Variants in PRICKLE2 observed in about 807,000 individuals in gnomAD.
PRICKLE2 encodes prickle-like protein 2.
Under a neutral mutation model 81.4 loss-of-function variants are expected in PRICKLE2, and 21 were observed. That is an observed-to-expected ratio of 0.26 (90% CI 0.18 to 0.37). The LOEUF (loss-of-function observed/expected upper bound fraction) is 0.37. Among genes scored for constraint, PRICKLE2 ranks in the 10% least tolerant of loss-of-function variants. The pLI is 1.00. For synonymous variants in PRICKLE2, 456 were observed against 421.5 expected, an observed-to-expected ratio of 1.08 and a Z score of -1.00; for missense variants, 940 against 1,109.0, an observed-to-expected ratio of 0.85 and a Z score of 2.16.
intron 7 of PRICKLE2, among the ~76,000 whole-genome samples, chr3:64,127,917 G>A (rs571546369): frequency 3.8e-4 from 58 of 152,212 alleles, no homozygotes; most frequent in African/African-American, 1.3e-3. Flanking sequence ...GAGGGCAGCA[G>A]GCACTGATTA....
chr3:64,265,190 A>C (rs547778525), intron 2 of PRICKLE2, among the ~76,000 whole-genome samples: 2 of 152,336 alleles, frequency 1.3e-5, no homozygotes, highest in Non-Finnish European at 2.9e-5. Flanking sequence ...AACAAAAAAA[A>C]CTGAATGGCA....
chr3:64,159,252 T>C lies in PRICKLE2; in HGVS notation c.396+688A>G, dbSNP rs553477391. On this transcript the variant is annotated intron_variant, in intron 4 of 7. Transcript: ENST00000638394. ...GTCAACATGACTCGGAAGGGCTTCATGCACTTCAATAAGGAACTCTCAATT... is the reference window on the plus strand; with the variant it reads ...GTCAACATGACTCGGAAGGGCTTCACGCACTTCAATAAGGAACTCTCAATT... Among the ~76,000 whole-genome samples the C allele has an allele frequency of 3.3e-5, 5 of 152,290 alleles. No individual in the cohort carries two copies. In the South Asian group the frequency reaches 8.3e-4, roughly 25 times the overall value.
At chr3:64,268,046 C>T (rs2079738780) in intron 2 of PRICKLE2, 1 of 152,232 alleles carries the variant, frequency 6.6e-6, no homozygotes, top group African/African-American at 2.4e-5. Flanking sequence ...AGCCAACTGC[C>T]CGGAGCCGAA....
intron 7 of PRICKLE2, among the ~76,000 whole-genome samples, chr3:64,117,579 C>T (rs550924349): frequency 4.6e-5 from 7 of 152,178 alleles, no homozygotes; most frequent in South Asian, 2.1e-4. Flanking sequence ...AAAGCCAGAT[C>T]GGAAATGAAC....
intron 2 of PRICKLE2, among the ~76,000 whole-genome samples, chr3:64,263,297 C>T (rs1020915912): frequency 2.6e-5 from 4 of 152,184 alleles, no homozygotes; most frequent in African/African-American, 9.7e-5. Context: ...AAAGGGTCGA[C>T]ATGAACATAC....
At chr3:64,257,153 T>C (rs182422676) in intron 2 of PRICKLE2, among the ~76,000 whole-genome samples, 3 of 152,360 alleles carry the variant, frequency 2.0e-5, no homozygotes, top group East Asian at 1.9e-4. Flanking sequence ...CCAGGAGCAG[T>C]TGAAGCATGA....
chr3:64,187,113 A>G (rs1010518677), intron 2 of PRICKLE2, among the ~76,000 whole-genome samples: 1 of 152,222 alleles, frequency 6.6e-6, no homozygotes, highest in Non-Finnish European at 1.5e-5. Flanking sequence ...AGCCTTGACA[A>G]GTCCCTGCTG....
intron 5 of PRICKLE2, chr3:64,154,028 C>T (rs2077587723): frequency 2.6e-5 from 4 of 154,182 alleles, no homozygotes; most frequent in Admixed American, 2.6e-4. Context: ...TATAAAGCTA[C>T]AGTAATCAAG....
chr3:64,217,686 C>T (rs1051031344), intron 1 of PRICKLE2, among the ~76,000 whole-genome samples: 4 of 152,166 alleles, frequency 2.6e-5, no homozygotes, highest in African/African-American at 9.7e-5. Flanking sequence ...TGGGTACAGG[C>T]TGCCTCCAGT....
At chr3:64,249,859 T>A (rs934956404) in intron 2 of PRICKLE2, among the ~76,000 whole-genome samples, 1 of 152,174 alleles carries the variant, frequency 6.6e-6, no homozygotes, top group Non-Finnish European at 1.5e-5. Context: ...GCACACAATA[T>A]GTTTTTTACT....
intron 2 of PRICKLE2, among the ~76,000 whole-genome samples, chr3:64,252,589 A>G (rs2079463874): frequency 6.6e-6 from 1 of 152,184 alleles, no homozygotes; most frequent in Non-Finnish European, 1.5e-5. Context: ...TTTTCAACAC[A>G]CAAGCAGCAT....
At chr3:64,101,251 G>A (rs1290256538) in intron 7 of PRICKLE2, 2 of 152,178 alleles carry the variant, frequency 1.3e-5, no homozygotes, top group African/African-American at 4.8e-5. Flanking sequence ...ATGGACAAGG[G>A]TACTCAGAGA....
At chr3:64,117,303 C>A (rs1318494608) in intron 7 of PRICKLE2, among the ~76,000 whole-genome samples, 1 of 152,130 alleles carries the variant, frequency 6.6e-6, no homozygotes, top group Non-Finnish European at 1.5e-5. Flanking sequence ...ACAAGGATGC[C>A]CTCTCTCACC....
chr3:64,230,642 T>C (rs1465971782), intron 2 of PRICKLE2, among the ~76,000 whole-genome samples: 1 of 152,270 alleles, frequency 6.6e-6, no homozygotes, highest in East Asian at 1.9e-4. Flanking sequence ...AGTATTGTCA[T>C]TGAAAAACTC....
chr3:64,120,878 C>T (rs2077013709), intron 7 of PRICKLE2, among the ~76,000 whole-genome samples: 1 of 152,182 alleles, frequency 6.6e-6, no homozygotes, highest in African/African-American at 2.4e-5. Context: ...TCCTACTTCT[C>T]CCTTCAGCAA....
At chr3:64,192,034 C>T (rs1363531274) in intron 2 of PRICKLE2, among the ~76,000 whole-genome samples, 1 of 152,206 alleles carries the variant, frequency 6.6e-6, no homozygotes, top group Non-Finnish European at 1.5e-5. Flanking sequence ...CCTTTTGCAA[C>T]CTAAGCAAAC....
intron 1 of PRICKLE2, among the ~76,000 whole-genome samples, chr3:64,210,804 A>T (rs527713330): frequency 2.7e-4 from 41 of 152,262 alleles, no homozygotes; most frequent in Admixed American, 9.8e-4. Flanking sequence ...CTGTATTTTG[A>T]TTTGCAGAAA....
In PRICKLE2 at chr3:64,255,024, C is replaced by T. The variant is rs541924556; in HGVS notation, c.129-56057G>A. Among the ~76,000 whole-genome samples the T allele has an allele frequency of 4.6e-4, 70 of 152,294 alleles. 1 individual carries two copies. In the South Asian group the frequency reaches 0.013, roughly 28 times the overall value. ...TCCCTAACAGCTAGATATATACATG[C>T]CCATATGTATGTAGAAGGAACCTGA... is the stretch of plus-strand genomic sequence containing the variant. On this transcript the variant is annotated intron_variant, in intron 2 of 8. Transcript: ENST00000295902.
At chr3:64,182,973 G>C (rs1260788554) in intron 2 of PRICKLE2, among the ~76,000 whole-genome samples, 1 of 152,012 alleles carries the variant, frequency 6.6e-6, no homozygotes, top group African/African-American at 2.4e-5. Context: ...GATTATATAA[G>C]TTATTATAAT....
Sources: allele counts gnomAD v4.1 joint callset (sites outside exome capture counted in the v4.1 genomes callset), GRCh38; gene constraint gnomAD v4.1.1; transcripts MANE v1.5; gene names NCBI Gene and HGNC (gene_info 2026-07-23, HGNC 2026-07-21).